Variants in ANKH observed in about 807,000 individuals in gnomAD.
The protein encoded by ANKH is mineralization regulator ANKH.
Under a neutral mutation model 49.0 loss-of-function variants are expected in ANKH, and 15 were observed. The ratio of observed to expected loss-of-function variants is 0.31; its 90% CI spans 0.20 to 0.47. The LOEUF (loss-of-function observed/expected upper bound fraction) is 0.47. ANKH is among the 20% of genes least tolerant of loss of function. ANKH has a pLI of 1.00. For synonymous variants in ANKH, 273 were observed against 260.0 expected (o/e 1.05, Z -0.48); for missense variants, 429 against 652.0 (o/e 0.66, Z 3.72).
rs1737785367 is a variant in ANKH at position 14,725,154 on chromosome 5, G to A, written c.1012-8319C>T. Among the ~76,000 whole-genome samples, 1 of 152,164 alleles carries A rather than the reference G, an allele frequency of 6.6e-6. No individual in the cohort carries two copies. Among genetic ancestry groups the A allele is most frequent in the Admixed American group, 6.5e-5 (1 of 15,270 alleles). On this transcript the variant is annotated intron_variant, in intron 8 of 11. Transcript: ENST00000284268. The surrounding 1 kb of genome is among the most constrained non-coding windows in gnomAD (Gnocchi z 4.0). ...GAGGAGGTTAGGGCTTGGCACTGGC[G>A]CCTGACTGCCGGGCTGGCACTCCAA...
intron 1 of ANKH, among the ~76,000 whole-genome samples, chr5:14,812,414 T>C (rs1013929858): frequency 2.0e-5 from 3 of 152,158 alleles, no homozygotes; most frequent in East Asian, 3.8e-4. Context: ...TGAGGCTTCC[T>C]GATCTGGAAG....
In ANKH at chr5:14,713,041, A is replaced by G; in HGVS notation, c.1266-68T>C. 6.8e-7 allele frequency: 1 copy of G among 1,465,704 alleles called. No homozygotes were observed. The highest frequency in any genetic ancestry group is 9.4e-7 in the Non-Finnish European group (1 of 1,064,892). 90.8% of individuals were successfully genotyped at this position (1,465,704 alleles called of 1,614,324 possible). On this transcript the variant is annotated intron_variant, in intron 10 of 11. Transcript: ENST00000284268. The surrounding 1 kb of genome is among the most constrained non-coding windows in gnomAD (Gnocchi z 4.4). ...GTCAAGGCACAACCGTCGATGCCAA[A>G]ACCCAGGAAAGTAAGTGTAGCCTCG...
At chr5:14,793,215 G>T (rs1740261903) in intron 1 of ANKH, among the ~76,000 whole-genome samples, 1 of 150,924 alleles carries the variant, frequency 6.6e-6, no homozygotes, top group South Asian at 2.1e-4. Context: ...CGTCAGCAGA[G>T]CCAGGCTGCC....
chr5:14,738,972 G>A (rs1357695647), intron 8 of ANKH, among the ~76,000 whole-genome samples: 1 of 152,202 alleles, frequency 6.6e-6, no homozygotes, highest in Admixed American at 6.5e-5. Context: ...CAAGCAGGAT[G>A]CTAAGCCCTG....
intron 8 of ANKH, among the ~76,000 whole-genome samples, chr5:14,722,893 C>A (rs1737712301): frequency 6.6e-6 from 1 of 151,930 alleles, no homozygotes. Flanking sequence ...AGGTCAACAT[C>A]CACGCACATA....
At chr5:14,743,532 C>T (rs1738432656) in intron 7 of ANKH, among the ~76,000 whole-genome samples, 1 of 152,234 alleles carries the variant, frequency 6.6e-6, no homozygotes, top group African/African-American at 2.4e-5. Flanking sequence ...AGCATCTGCA[C>T]TAGTGGAAAC....
At chr5:14,798,481 C>G in intron 1 of ANKH, 2 of 1,027,048 alleles carry the variant, frequency 1.9e-6, no homozygotes, top group Admixed American at 6.4e-5. Context: ...GCTCTGCGCA[C>G]GCGGTCTCTA....
At chr5:14,835,272 C>T (rs1741620089) in intron 1 of ANKH, among the ~76,000 whole-genome samples, 1 of 152,170 alleles carries the variant, frequency 6.6e-6, no homozygotes, top group African/African-American at 2.4e-5. Flanking sequence ...GAGTGTTGCT[C>T]AGCGAGATGA....
At chr5:14,819,932 CACACACAT>C (rs772231728) in intron 1 of ANKH, among the ~76,000 whole-genome samples, 1 of 130,112 alleles carries the variant, frequency 7.7e-6, no homozygotes, top group African/African-American at 2.8e-5. Flanking sequence ...CACACACACA[CACACACAT>C]TAAGCCTAAT....
chr5:14,738,749 TA>T lies in ANKH; in HGVS notation c.1011+3077del, dbSNP rs767547100. ...GTGAGACCCCTTCTATACAAACAGT[TA>T]AAAAAAAAAACCCAAAACCAAGGAA... On this transcript the variant is annotated intron_variant, in intron 8 of 11. Transcript: ENST00000284268. 9.4e-3 allele frequency among the ~76,000 whole-genome samples: 1,347 copies of T among 143,344 alleles called. 13 individuals are homozygous for T. Among genetic ancestry groups the T allele is most frequent in the Middle Eastern group, 0.032 (9 of 278 alleles). 94.0% of individuals were successfully genotyped at this position (143,344 alleles called of 152,430 possible). A position where few individuals can be genotyped will look rare whatever the true frequency, so the allele number is the denominator to read the frequency against.
intron 8 of ANKH, among the ~76,000 whole-genome samples, chr5:14,722,565 A>G (rs185100343): frequency 9.2e-5 from 14 of 152,352 alleles, no homozygotes; most frequent in African/African-American, 3.4e-4. Context: ...GGGACACAGA[A>G]GCCAGGCAGA....
intron 1 of ANKH, among the ~76,000 whole-genome samples, chr5:14,835,835 T>C (rs1023859023): frequency 6.6e-6 from 1 of 152,166 alleles, no homozygotes; most frequent in Non-Finnish European, 1.5e-5. Flanking sequence ...TTTAGACCAA[T>C]ATCCCTGATG....
chr5:14,845,818 T>C (rs1401447811), intron 1 of ANKH, among the ~76,000 whole-genome samples: 2 of 148,612 alleles, frequency 1.3e-5, no homozygotes, highest in African/African-American at 2.5e-5. Flanking sequence ...TACTGCAAAC[T>C]GGTCAGAGAA....
Position 14,751,174 on chromosome 5 carries a change from G to T in ANKH, c.582C>A (p.Ile194=). 1 of 1,614,216 alleles carries T rather than the reference G, an allele frequency of 6.2e-7. No homozygotes were observed. The highest frequency in any genetic ancestry group is 8.5e-7 in the Non-Finnish European group (1 of 1,180,044). ...CAAGTGCGCCCATGTACAAGGAGAG[G>T]ATCGGGATGAGCAGGGGCTCCCGGC... ...LECREPLLIP[I]LSLYMGALVR... The change falls in exon 5 of 12, where the codon ATC becomes ATA. Residue 194 remains isoleucine, a synonymous_variant. Coordinates refer to ENST00000284268, the MANE Select transcript of ANKH (RefSeq NM_054027.6).
intron 1 of ANKH, among the ~76,000 whole-genome samples, chr5:14,793,068 T>TATATAAATATATATA (rs199717342): frequency 1.1e-5 from 1 of 91,830 alleles, no homozygotes; most frequent in Admixed American, 1.5e-4. Flanking sequence ...AAAATATATA[T>TATATAAATATATATA]AAATATATAA....
chr5:14,845,800 T>C (rs1741941849), intron 1 of ANKH, among the ~76,000 whole-genome samples: 1 of 149,606 alleles, frequency 6.7e-6, no homozygotes, highest in Admixed American at 6.7e-5. Context: ...AACAGATCAC[T>C]ACGTCAGTAC....
chr5:14,722,498 T>C (rs1011623329), intron 8 of ANKH, among the ~76,000 whole-genome samples: 21 of 152,118 alleles, frequency 1.4e-4, no homozygotes, highest in African/African-American at 4.6e-4. Context: ...GCTTGGAGCA[T>C]CTATGGTACA....
chr5:14,734,832 A>G (rs1037759184), intron 8 of ANKH, among the ~76,000 whole-genome samples: 1 of 152,248 alleles, frequency 6.6e-6, no homozygotes, highest in African/African-American at 2.4e-5. Flanking sequence ...TTTTGTGCCA[A>G]ATCAATTACC....
rs1219182448 is a variant in ANKH at position 14,798,197 on chromosome 5, C to A, written c.97-29006G>T. 2.8e-5 allele frequency: 44 copies of A among 1,587,414 alleles called. No homozygotes were observed. The Admixed American group carries it at 7.3e-4, about 26-fold the overall frequency. On this transcript the variant is annotated intron_variant, in intron 1 of 11. Transcript: ENST00000284268. ...TTTGTTCATCCGATGTGTGTGTCCC[C>A]AGGACAAGTCGATGAAGGCTGAAAT...
Sources: gnomAD v4.1 joint callset for allele counts (sites outside exome capture counted in the v4.1 genomes callset) on GRCh38, gnomAD v4.1.1 for gene constraint, Gnocchi (gnomAD v3.1) non-coding constraint, MANE v1.5 for transcripts, NCBI Gene and HGNC (gene_info 2026-07-23, HGNC 2026-07-21) for gene names.